Variants in SMAP1 observed in about 807,000 individuals in gnomAD.
SMAP1 encodes stromal membrane-associated protein 1.
Under a neutral mutation model 58.5 loss-of-function variants are expected in SMAP1, and 24 were observed. That is an observed-to-expected ratio of 0.41 (90% CI 0.30 to 0.58). The LOEUF is 0.58. Ranked by LOEUF, SMAP1 falls within the 20% of genes least tolerant of loss-of-function variation. The pLI, the probability that SMAP1 is intolerant of heterozygous loss-of-function variation, is 0.29. For missense variants in SMAP1, 563 were observed against 566.3 expected (o/e 0.99, Z 0.06); for synonymous variants, 216 against 196.6 (o/e 1.10, Z -0.82).
chr6:70,832,276 G>A (rs1230108629), intron 6 of SMAP1, among the ~76,000 whole-genome samples: 1 of 152,022 alleles, frequency 6.6e-6, no homozygotes, highest in Non-Finnish European at 1.5e-5. Context: ...GGTCCCATTT[G>A]TCAATTTTTG....
At chr6:70,722,480 G>A (rs892809534) in intron 1 of SMAP1, among the ~76,000 whole-genome samples, 1 of 152,196 alleles carries the variant, frequency 6.6e-6, no homozygotes, top group African/African-American at 2.4e-5. Context: ...AGAACTATGT[G>A]TATGTACTGT....
chr6:70,851,726 TAAAC>T (rs1374109958), intron 7 of SMAP1, among the ~76,000 whole-genome samples: 2 of 152,134 alleles, frequency 1.3e-5, no homozygotes, highest in African/African-American at 2.4e-5. Context: ...GGATATAAAA[TAAAC>T]CGGTTTTGAA....
chr6:70,681,231 C>A (rs2128551776), intron 1 of SMAP1, among the ~76,000 whole-genome samples: 1 of 151,810 alleles, frequency 6.6e-6, no homozygotes, highest in African/African-American at 2.4e-5. Context: ...CCAGCCTTGG[C>A]AAAATGACGA....
Position 70,786,889 on chromosome 6 carries a change from A to G in SMAP1, c.415-4800A>G, listed in dbSNP as rs1768062057. 2.6e-5 allele frequency among the ~76,000 whole-genome samples: 4 copies of G among 152,206 alleles called. No homozygotes were observed. In the South Asian group the frequency reaches 8.3e-4, roughly 32 times the overall value. On this transcript the variant is annotated intron_variant, in intron 4 of 10. Transcript: ENST00000370455. ...GGCCATACTGCCCAAGGTAATTTATAGAGTCATTGCATCCCCATCAAGCTA... is the reference window on the plus strand; with the variant it reads ...GGCCATACTGCCCAAGGTAATTTATGGAGTCATTGCATCCCCATCAAGCTA...
chr6:70,827,292 C>T (rs1009564756), intron 6 of SMAP1, among the ~76,000 whole-genome samples: 3 of 152,176 alleles, frequency 2.0e-5, no homozygotes, highest in African/African-American at 7.2e-5. Flanking sequence ...ATAAATCCCT[C>T]AGATAGTGTT....
intron 1 of SMAP1, among the ~76,000 whole-genome samples, chr6:70,678,412 A>G (rs1233611345): frequency 6.6e-6 from 1 of 152,224 alleles, no homozygotes; most frequent in African/African-American, 2.4e-5. Flanking sequence ...AATTATGTTT[A>G]GCCTAGGGCG....
At chr6:70,693,816 C>A (rs1767285476) in intron 1 of SMAP1, 1 of 152,176 alleles carries the variant, frequency 6.6e-6, no homozygotes, top group Admixed American at 6.5e-5. Context: ...ATATTTAAAG[C>A]AAAATTGGTT....
rs141282789 is a variant in SMAP1, at chr6:70,858,051, C to T, written c.1091C>T (p.Pro364Leu). 8 of 1,613,980 alleles carry T rather than the reference C, an allele frequency of 5.0e-6. No homozygotes were observed. In the African/African-American group the frequency reaches 1.1e-4, roughly 22 times the overall value. ...GLIGNVMGQS[P>L]SMMVGMPMPN... ...ATAGGAAATGTGATGGGACAGAGTC[C>T]AAGCATGATGGTGGGCATGCCCATG... The change falls in exon 10 of 11, where the codon CCA becomes CTA. Residue 364 changes from proline (P) to leucine (L), a missense_variant. By Grantham distance (98) the Pro-to-Leu change is moderately conservative. This residue lies in a region of SMAP1 where 494 missense variants were observed against 473.8 expected (regional missense o/e 1.04). Coordinates refer to ENST00000370455, the MANE Select transcript of SMAP1 (RefSeq NM_001044305.3).
intron 1 of SMAP1, among the ~76,000 whole-genome samples, chr6:70,678,766 C>G (rs769490446): frequency 2.6e-5 from 4 of 152,122 alleles, no homozygotes; most frequent in African/African-American, 9.7e-5. Flanking sequence ...TGGCTCCTTC[C>G]TCCATCTTTG....
intron 1 of SMAP1, among the ~76,000 whole-genome samples, chr6:70,693,487 A>G (rs1338409090): frequency 1.3e-5 from 2 of 151,628 alleles, no homozygotes; most frequent in African/African-American, 4.8e-5. Flanking sequence ...TATTTTTAGT[A>G]GAGACAGGGT....
At position 70,752,104 on chromosome 6, in the gene SMAP1, T is replaced by G. The variant is rs562757158; in HGVS notation, c.253-2876T>G. Reference sequence around the variant, plus strand: ...TGTCGTAAAATTTTCTAGATACTTATTTTGACTAGCTGCTGCATGGTGATA... The same window carrying G: ...TGTCGTAAAATTTTCTAGATACTTAGTTTGACTAGCTGCTGCATGGTGATA... On this transcript the variant is annotated intron_variant, in intron 2 of 10. Coordinates refer to ENST00000370455, the MANE Select transcript of SMAP1 (RefSeq NM_001044305.3). Among the ~76,000 whole-genome samples, 23 of 152,356 alleles carry G rather than the reference T, an allele frequency of 1.5e-4. No individual in the cohort carries two copies. In the South Asian group the frequency reaches 4.8e-3, roughly 32 times the overall value.
intron 4 of SMAP1, among the ~76,000 whole-genome samples, chr6:70,785,762 ACT>A (rs1767992000): frequency 6.6e-6 from 1 of 152,190 alleles, no homozygotes; most frequent in African/African-American, 2.4e-5. Context: ...GAAGAAGTTG[ACT>A]CTCTGAATAG....
At chr6:70,763,391 T>G (rs1397031854) in intron 3 of SMAP1, among the ~76,000 whole-genome samples, 1 of 152,148 alleles carries the variant, frequency 6.6e-6, no homozygotes, top group Non-Finnish European at 1.5e-5. Context: ...TAAATGCATG[T>G]TTTTAATTAA....
At chr6:70,814,695 A>G (rs955542197) in intron 6 of SMAP1, among the ~76,000 whole-genome samples, 1 of 152,130 alleles carries the variant, frequency 6.6e-6, no homozygotes, top group Non-Finnish European at 1.5e-5. Flanking sequence ...CTAAGGAGGC[A>G]TTGCTCTTCT....
chr6:70,775,921 G>C (rs6455380), intron 4 of SMAP1, among the ~76,000 whole-genome samples: 3 of 151,862 alleles, frequency 2.0e-5, no homozygotes, highest in Non-Finnish European at 4.4e-5. Context: ...ACTAATCTTA[G>C]GTATTACTGA....
rs11306206 is a variant in SMAP1 at position 70,738,457 on chromosome 6, G to GA, written c.252+5961dup. ...ACTTGCTGTTTATATTTTCTATTAAGAAAAAAAAAAAAAAACCAGTGGATA... is the reference window on the plus strand; with the variant it reads ...ACTTGCTGTTTATATTTTCTATTAAGAAAAAAAAAAAAAAAACCAGTGGATA... On this transcript the variant is annotated intron_variant, in intron 2 of 10. Coordinates refer to ENST00000370455, the MANE Select transcript of SMAP1 (RefSeq NM_001044305.3). 4.8e-3 allele frequency among the ~76,000 whole-genome samples: 637 copies of GA among 132,806 alleles called. 3 individuals carry two copies. Among genetic ancestry groups the GA allele is most frequent in the African/African-American group, 0.012 (445 of 36,722 alleles). The allele number at this position is 132,806 out of a possible 152,430, so 87.1% of individuals were successfully genotyped here.
In SMAP1 at chr6:70,749,266, G is replaced by C. The variant is rs191165484; in HGVS notation, c.253-5714G>C. Among the ~76,000 whole-genome samples the C allele has an allele frequency of 3.7e-3, 556 of 152,148 alleles. 2 individuals carry two copies. The highest frequency in any genetic ancestry group is 0.011 in the African/African-American group (465 of 41,504). On this transcript the variant is annotated intron_variant, in intron 2 of 10. Coordinates refer to ENST00000370455, the MANE Select transcript of SMAP1 (RefSeq NM_001044305.3). ...TCACTATCGTGAGAACAGCATGGGGGAACAGATCCCCATGATTCAATCACC... is the reference window on the plus strand; with the variant it reads ...TCACTATCGTGAGAACAGCATGGGGCAACAGATCCCCATGATTCAATCACC...
At chr6:70,710,384 G>A (rs1192731518) in intron 1 of SMAP1, among the ~76,000 whole-genome samples, 3 of 151,238 alleles carry the variant, frequency 2.0e-5, no homozygotes, top group South Asian at 2.1e-4. Flanking sequence ...CCAGCTGCTC[G>A]GGAGGCTGAG....
At chr6:70,722,235 A>ATATT (rs1031795100) in intron 1 of SMAP1, among the ~76,000 whole-genome samples, 89 of 152,220 alleles carry the variant, frequency 5.8e-4, no homozygotes, top group African/African-American at 2.1e-3. Flanking sequence ...CTCTGTTAAT[A>ATATT]TATTTGCCTG....
Sources: allele counts gnomAD v4.1 joint callset (sites outside exome capture counted in the v4.1 genomes callset), GRCh38; gene constraint gnomAD v4.1.1; regional missense constraint gnomAD v4.1.1; transcripts MANE v1.5; gene names NCBI Gene and HGNC (gene_info 2026-07-23, HGNC 2026-07-21).